MYOF: variants seen among roughly 807,000 people sequenced by gnomAD.
The protein encoded by MYOF is fer-1-like 3, myoferlin.
Under a neutral mutation model 284.2 loss-of-function variants are expected in MYOF, and 244 were observed. That is an observed-to-expected ratio of 0.86 (90% CI 0.77 to 0.95). The LOEUF (loss-of-function observed/expected upper bound fraction) is 0.95. MYOF is among the 40% of genes least tolerant of loss of function. MYOF has a pLI of 0.00. For synonymous variants in MYOF, 904 were observed against 919.7 expected (o/e 0.98, Z 0.31); for missense variants, 2,496 against 2,560.6 (o/e 0.97, Z 0.54).
intron 17 of MYOF, among the ~76,000 whole-genome samples, chr10:93,392,268 A>C (rs1416042536): frequency 6.6e-6 from 1 of 152,122 alleles, no homozygotes; most frequent in Non-Finnish European, 1.5e-5. Flanking sequence ...CCTTCTTACC[A>C]CAACCCTGGG....
At chr10:93,331,041 G>GAGA (rs1188859326) in intron 43 of MYOF, among the ~76,000 whole-genome samples, 2 of 152,182 alleles carry the variant, frequency 1.3e-5, no homozygotes, top group Non-Finnish European at 2.9e-5. Context: ...TAAAGGTTCT[G>GAGA]AGAAGTCCTG....
At position 93,351,482 on chromosome 10, in the gene MYOF, G is replaced by T. The variant is rs1844507645; in HGVS notation, c.3753C>A (p.His1251Gln). The change falls in exon 34 of 54, where the codon CAC (histidine) becomes CAA (glutamine). Residue 1251 changes from histidine to glutamine, a missense_variant. Coordinates refer to ENST00000359263, the MANE Select transcript of MYOF (RefSeq NM_013451.4). ...AGGCTTTGTCTCCATTCATTACTGG[G>T]TGCCAGAGAAGTTTGGGTGTGATGT... is the stretch of plus-strand genomic sequence containing the variant. ...EMDITPKLLW[H>Q]PVMNGDKACG... The T allele has an allele frequency of 2.2e-5, 35 of 1,614,214 alleles. No individual in the cohort carries two copies. Among genetic ancestry groups the T allele is most frequent in the Non-Finnish European group, 3.0e-5 (35 of 1,180,046 alleles).
intron 7 of MYOF, among the ~76,000 whole-genome samples, chr10:93,406,973 T>A (rs1847625807): frequency 6.6e-6 from 1 of 152,128 alleles, no homozygotes; most frequent in African/African-American, 2.4e-5. Context: ...CAGAAATGTG[T>A]CTCCTCAGCA....
intron 24 of MYOF, among the ~76,000 whole-genome samples, chr10:93,369,977 C>A (rs575483550): frequency 1.3e-5 from 2 of 152,198 alleles, no homozygotes; most frequent in Non-Finnish European, 2.9e-5. Context: ...ACAGTGTGAT[C>A]CATAGATTCC....
intron 46 of MYOF, among the ~76,000 whole-genome samples, chr10:93,325,593 A>G (rs1843009327): frequency 6.6e-6 from 1 of 152,190 alleles, no homozygotes. Flanking sequence ...AGACACAGAG[A>G]GACCCTGGTT....
chr10:93,416,287 C>T (rs759767783), intron 5 of MYOF, among the ~76,000 whole-genome samples: 3 of 152,064 alleles, frequency 2.0e-5, no homozygotes, highest in Non-Finnish European at 2.9e-5. Flanking sequence ...GAGGCCAAGG[C>T]GGGTGGATCA....
At chr10:93,446,048 T>A (rs2056418133) in intron 3 of MYOF, among the ~76,000 whole-genome samples, 1 of 152,186 alleles carries the variant, frequency 6.6e-6, no homozygotes, top group Admixed American at 6.5e-5. Flanking sequence ...ACAGGTAATC[T>A]GACCAAGGTG....
intron 41 of MYOF, among the ~76,000 whole-genome samples, chr10:93,334,420 C>T (rs752199955): frequency 4.0e-5 from 6 of 151,878 alleles, no homozygotes; most frequent in Admixed American, 1.3e-4. Context: ...TGGGTGCTCT[C>T]ATCCAACCCC....
intron 3 of MYOF, among the ~76,000 whole-genome samples, chr10:93,440,406 G>A (rs1007241838): frequency 5.3e-4 from 40 of 75,986 alleles, no homozygotes; most frequent in Admixed American, 3.4e-4. Context: ...GCAAGACTCC[G>A]TCTCGAAAAA....
intron 1 of MYOF, among the ~76,000 whole-genome samples, chr10:93,476,433 G>A (rs1234692957): frequency 1.3e-5 from 2 of 151,588 alleles, no homozygotes; most frequent in African/African-American, 2.4e-5. Context: ...TCTATTTTTA[G>A]TAGAGATGGG....
intron 17 of MYOF, among the ~76,000 whole-genome samples, chr10:93,392,679 C>T (rs1341423900): frequency 1.3e-5 from 2 of 152,080 alleles, no homozygotes; most frequent in African/African-American, 4.8e-5. Context: ...AAGCCAAATA[C>T]GATGGTGTGC....
In MYOF at chr10:93,364,062, C is replaced by G; in HGVS notation, c.2767G>C (p.Ala923Pro). ...VDPERSLLTE[A>P]DAGHTEFTDE... ...GTGAACTCCGTGTGACCTGCATCTG[C>G]CTCAGTCAGCAAGCTGTGGGGCGGG... Residue 923 changes from alanine (A) to proline (P), a missense_variant, in exon 27 of 54, where the codon GCA (alanine) becomes CCA (proline). By Grantham distance (27) the Ala-to-Pro change is conservative (BLOSUM62 -1). Coordinates refer to ENST00000359263, the MANE Select transcript of MYOF (RefSeq NM_013451.4). 1 of 1,614,132 alleles carries G rather than the reference C, an allele frequency of 6.2e-7. No homozygotes were observed. Among genetic ancestry groups the G allele is most frequent in the South Asian group, 1.1e-5 (1 of 91,084 alleles).
At position 93,463,646 on chromosome 10, in the gene MYOF, C is replaced by T. The variant is rs566388036; in HGVS notation, c.89-6709G>A. On this transcript the variant is annotated intron_variant, in intron 1 of 53. Transcript: ENST00000359263. ...AACTCCTGACCTCAAATGATCCACC[C>T]GTCTCGGCCTCCCAAAGTGCTGCAA... is the stretch of plus-strand genomic sequence containing the variant. 1.8e-4 allele frequency among the ~76,000 whole-genome samples: 27 copies of T among 151,834 alleles called. No homozygotes were observed. In the South Asian group the frequency reaches 4.2e-3, roughly 23 times the overall value.
chr10:93,473,166 T>C (rs917252366), intron 1 of MYOF, among the ~76,000 whole-genome samples: 1 of 152,190 alleles, frequency 6.6e-6, no homozygotes, highest in Admixed American at 6.5e-5. Flanking sequence ...GGGGGTTCTT[T>C]TAAGTGAGAG....
chr10:93,468,583 T>A (rs1174729300), intron 1 of MYOF, among the ~76,000 whole-genome samples: 1 of 152,158 alleles, frequency 6.6e-6, no homozygotes, highest in Non-Finnish European at 1.5e-5. Flanking sequence ...GAGTGAAAAA[T>A]CTTGATAATT....
rs373878850 is a variant in MYOF, at chr10:93,349,973, T to G, written c.3922-4A>C. 10 of 1,612,826 alleles carry G rather than the reference T, an allele frequency of 6.2e-6. No individual in the cohort carries two copies. The East Asian group carries it at 2.0e-4, about 32-fold the overall frequency. ...TTCTTAAGCCCCAAGCTAGAATCTA[T>G]GAAAACGATTTAAAGAGAGGGGAAG... On this transcript the variant is annotated splice_region_variant and splice_polypyrimidine_tract_variant and intron_variant, in intron 35 of 53. Coordinates refer to ENST00000359263, the MANE Select transcript of MYOF (RefSeq NM_013451.4).
chr10:93,430,595 AAAAAAGATTAT>A (rs1485341956), intron 4 of MYOF, among the ~76,000 whole-genome samples: 1 of 151,906 alleles, frequency 6.6e-6, no homozygotes, highest in African/African-American at 2.4e-5. Flanking sequence ...AAAAAAAAAA[AAAAAAGATTAT>A]GATATTACAG....
chr10:93,338,932 AAAAAC>A (rs201576631), intron 39 of MYOF, among the ~76,000 whole-genome samples: 1,855 of 151,802 alleles, frequency 0.012, 50 homozygotes, highest in African/African-American at 0.043. Flanking sequence ...CGCCAAAAAA[AAAAAC>A]AAACAAAAAA....
intron 37 of MYOF, among the ~76,000 whole-genome samples, chr10:93,344,172 T>C (rs963145325): frequency 5.9e-5 from 9 of 152,238 alleles, no homozygotes; most frequent in African/African-American, 2.2e-4. Context: ...TTACTGTTTT[T>C]AGACAATTAG....
Sources: allele counts gnomAD v4.1 joint callset (sites outside exome capture counted in the v4.1 genomes callset), GRCh38; gene constraint gnomAD v4.1.1; transcripts MANE v1.5; gene names NCBI Gene and HGNC (gene_info 2026-07-23, HGNC 2026-07-21).